Variants in ARHGEF26 observed in about 807,000 individuals in gnomAD.
ARHGEF26 encodes the protein Rho guanine nucleotide exchange factor 26.
In ARHGEF26, 59 loss-of-function variants were observed where a neutral mutation model predicts 89.4. The ratio of observed to expected loss-of-function variants is 0.66; its 90% confidence interval spans 0.54 to 0.82. The LOEUF (loss-of-function observed/expected upper bound fraction) is 0.82. ARHGEF26 is among the 40% of genes least tolerant of loss of function. The pLI, the probability that ARHGEF26 is intolerant of heterozygous loss-of-function variation, is 0.00. For missense variants in ARHGEF26, 1,234 were observed against 1,085.6 expected, an observed-to-expected ratio of 1.14 and a Z score of -1.92; for synonymous variants, 500 against 428.4, an observed-to-expected ratio of 1.17 and a Z score of -2.06.
chr3:154,131,655 T>G (rs1360553444), intron 4 of ARHGEF26, among the ~76,000 whole-genome samples: 1 of 152,192 alleles, frequency 6.6e-6, no homozygotes, highest in Non-Finnish European at 1.5e-5. Flanking sequence ...GCTGTGAATT[T>G]TTTGTTTTCT....
chr3:154,231,410 C>T (rs757083070), intron 11 of ARHGEF26, among the ~76,000 whole-genome samples: 5 of 152,166 alleles, frequency 3.3e-5, no homozygotes, highest in Non-Finnish European at 7.3e-5. Flanking sequence ...CAAATTACTT[C>T]TCGTCTCTCA....
At chr3:154,219,771 G>A (rs1041536467) in intron 10 of ARHGEF26, among the ~76,000 whole-genome samples, 23 of 151,772 alleles carry the variant, frequency 1.5e-4, no homozygotes, top group African/African-American at 2.2e-4. Flanking sequence ...AAAATTAGCC[G>A]GGCGTGGTGG....
At position 154,254,967 on chromosome 3, in the gene ARHGEF26, C is replaced by T. The variant is rs1450152292; in HGVS notation, c.2473+143C>T. On this transcript the variant is annotated intron_variant, in intron 14 of 14. Coordinates refer to ENST00000465093, the MANE Select transcript of ARHGEF26 (RefSeq NM_015595.4). ...AGATCACATATATGTACTGTCTTCT[C>T]ATCTCTAAGGCTAAACCATGACGTT... is the stretch of plus-strand genomic sequence containing the variant. The T allele has an allele frequency of 1.3e-5, 9 of 715,972 alleles. No individual in the cohort carries two copies. In the African/African-American group the frequency reaches 1.4e-4, roughly 11 times the overall value. 44.4% of individuals were successfully genotyped at this position (715,972 alleles called of 1,614,324 possible).
intron 6 of ARHGEF26, among the ~76,000 whole-genome samples, chr3:154,170,689 AATC>A (rs1712375878): frequency 6.6e-6 from 1 of 152,194 alleles, no homozygotes; most frequent in African/African-American, 2.4e-5. Context: ...AAGTTAAACG[AATC>A]AGTCAGTCAG....
intron 6 of ARHGEF26, among the ~76,000 whole-genome samples, chr3:154,186,886 C>CTT (rs201150057): frequency 0.081 from 6,588 of 81,592 alleles, 2,596 homozygotes; most frequent in Non-Finnish European, 0.11. Flanking sequence ...TTATTTCAGA[C>CTT]TTTTTTTTTT....
At chr3:154,127,890 G>A (rs1228019813) in intron 3 of ARHGEF26, among the ~76,000 whole-genome samples, 1 of 152,026 alleles carries the variant, frequency 6.6e-6, no homozygotes, top group African/African-American at 2.4e-5. Context: ...TTGTAGATGT[G>A]GTTTGTCATT....
chr3:154,253,822 T>C (rs1052543050), intron 13 of ARHGEF26, among the ~76,000 whole-genome samples: 7 of 152,194 alleles, frequency 4.6e-5, no homozygotes, highest in Middle Eastern at 3.2e-3. Context: ...ATTGTTATCC[T>C]GGAACACTCA....
intron 6 of ARHGEF26, among the ~76,000 whole-genome samples, chr3:154,177,192 T>C (rs1475721909): frequency 6.6e-6 from 1 of 152,218 alleles, no homozygotes; most frequent in African/African-American, 2.4e-5. Flanking sequence ...GTAACGTATT[T>C]TATAATTCTA....
chr3:154,148,030 T>C (rs978041200), intron 4 of ARHGEF26, among the ~76,000 whole-genome samples: 2 of 152,194 alleles, frequency 1.3e-5, no homozygotes, highest in African/African-American at 4.8e-5. Context: ...TATAAGGTGC[T>C]ACTTAATTTG....
chr3:154,215,763 A>G (rs1330318221), intron 9 of ARHGEF26, among the ~76,000 whole-genome samples: 1 of 152,144 alleles, frequency 6.6e-6, no homozygotes, highest in Non-Finnish European at 1.5e-5. Context: ...GTCTCTTCTT[A>G]TAAGGGCACT....
intron 11 of ARHGEF26, among the ~76,000 whole-genome samples, chr3:154,231,942 A>G (rs1257741246): frequency 6.6e-6 from 1 of 151,774 alleles, no homozygotes; most frequent in Non-Finnish European, 1.5e-5. Context: ...AGGAGACACT[A>G]TAACATTGTT....
intron 4 of ARHGEF26, among the ~76,000 whole-genome samples, chr3:154,144,327 A>G (rs1559858977): frequency 6.6e-6 from 1 of 152,290 alleles, no homozygotes; most frequent in East Asian, 1.9e-4. Context: ...CTTTATTTGT[A>G]AACTAGGGAT....
chr3:154,255,524 C>T lies in ARHGEF26; in HGVS notation c.*51C>T, dbSNP rs867442132. The T allele has an allele frequency of 2.6e-5, 41 of 1,576,346 alleles. No individual in the cohort carries two copies. The highest frequency in any genetic ancestry group is 1.4e-4 in the South Asian group (12 of 83,820). On this transcript the variant is annotated 3_prime_UTR_variant, in exon 15 of 15. Coordinates refer to ENST00000465093, the MANE Select transcript of ARHGEF26 (RefSeq NM_015595.4). ...CAAGATTTGCACGACACTTACCGGG[C>T]TGGTTGGTTCTGGGCTAGTTTTATT...
chr3:154,178,729 C>T (rs770977816), intron 6 of ARHGEF26, among the ~76,000 whole-genome samples: 5 of 152,102 alleles, frequency 3.3e-5, no homozygotes, highest in Non-Finnish European at 7.4e-5. Context: ...TTATTTCCCT[C>T]GGGTATATAC....
At chr3:154,188,472 G>A (rs1243149134) in intron 7 of ARHGEF26, among the ~76,000 whole-genome samples, 2 of 152,212 alleles carry the variant, frequency 1.3e-5, no homozygotes, top group Non-Finnish European at 1.5e-5. Context: ...GTTTTGATGT[G>A]ATGCATATGC....
chr3:154,167,131 T>C (rs1043060371), intron 6 of ARHGEF26, among the ~76,000 whole-genome samples: 2 of 152,238 alleles, frequency 1.3e-5, no homozygotes, highest in Admixed American at 1.3e-4. Context: ...ACATGAGTTA[T>C]GGACTTTATT....
chr3:154,212,372 A>G (rs1715430219), intron 9 of ARHGEF26, among the ~76,000 whole-genome samples: 1 of 151,882 alleles, frequency 6.6e-6, no homozygotes, highest in African/African-American at 2.4e-5. Flanking sequence ...ATTGGATACA[A>G]TAATAAGTGT....
rs1719231962 is a variant in ARHGEF26, at chr3:154,139,563, A to G, written c.1270-9826A>G. ...TTTGGATTGCAGATTCATCTATGGG[A>G]TTCTTGTATTTGCCCTGTTGAGCTT... On this transcript the variant is annotated intron_variant, in intron 4 of 14. Transcript: ENST00000465093. Among the ~76,000 whole-genome samples the G allele has an allele frequency of 2.0e-5, 3 of 152,140 alleles. No individual in the cohort carries two copies. The South Asian group carries it at 6.2e-4, about 32-fold the overall frequency.
At chr3:154,164,147 A>G (rs1249484330) in intron 6 of ARHGEF26, among the ~76,000 whole-genome samples, 1 of 152,142 alleles carries the variant, frequency 6.6e-6, no homozygotes, top group African/African-American at 2.4e-5. Flanking sequence ...AATTTCTTAT[A>G]TCTTAGGTGC....
Sources: gnomAD v4.1 joint callset for allele counts (sites outside exome capture counted in the v4.1 genomes callset) on GRCh38, gnomAD v4.1.1 for gene constraint, MANE v1.5 for transcripts, NCBI Gene and HGNC (gene_info 2026-07-23, HGNC 2026-07-21) for gene names.